Variants in UGGT2 observed in about 807,000 individuals in gnomAD.
The protein encoded by UGGT2 is UDP-glucose:glycoprotein glucosyltransferase 2.
A neutral mutation model predicts 192.1 loss-of-function variants in UGGT2; 180 were observed. The observed-to-expected ratio is 0.94, with a 90% CI of 0.83 to 1.06. UGGT2 has a LOEUF of 1.06. UGGT2 is among the 50% of genes least tolerant of loss of function. UGGT2 has a pLI of 0.00. For synonymous variants in UGGT2, 580 were observed against 591.0 expected, an observed-to-expected ratio of 0.98 and a Z score of 0.27; for missense variants, 1,849 against 1,795.7, an observed-to-expected ratio of 1.03 and a Z score of -0.54.
chr13:95,940,995 T>C (rs1002864308), intron 15 of UGGT2, among the ~76,000 whole-genome samples: 3 of 152,226 alleles, frequency 2.0e-5, no homozygotes, highest in African/African-American at 7.2e-5. Context: ...ATTCTTTTTA[T>C]CTTTTCTCAT....
At position 96,011,749 on chromosome 13, in the gene UGGT2, A is replaced by AGAT. The variant is rs150091566; in HGVS notation, c.660+1555_660+1557dup. Among the ~76,000 whole-genome samples the AGAT allele has an allele frequency of 3.2e-3, 490 of 152,268 alleles. 4 individuals carry two copies. The highest frequency in any genetic ancestry group is 0.011 in the African/African-American group (475 of 41,576). ...ATATGATGGTACTAAGGTGACTGACAGATGACTCTGTGTGATTGTTGAAAC... is the reference window on the plus strand; with the variant it reads ...ATATGATGGTACTAAGGTGACTGACAGATGATGACTCTGTGTGATTGTTGAAAC... On this transcript the variant is annotated intron_variant, in intron 5 of 38. Coordinates refer to ENST00000376747, the MANE Select transcript of UGGT2 (RefSeq NM_020121.4).
At chr13:95,827,988 C>T (rs949332010) in intron 38 of UGGT2, among the ~76,000 whole-genome samples, 4 of 152,118 alleles carry the variant, frequency 2.6e-5, no homozygotes, top group African/African-American at 9.7e-5. Flanking sequence ...TTGCACTCTT[C>T]GACCAATCAA....
chr13:96,043,794 G>A (rs2139210536), intron 1 of UGGT2, among the ~76,000 whole-genome samples: 1 of 152,154 alleles, frequency 6.6e-6, no homozygotes, highest in South Asian at 2.1e-4. Context: ...AATGATAAAA[G>A]GCCTTGTCCA....
rs747264301 is a variant in UGGT2 at position 95,927,089 on chromosome 13, G to A, written c.2139C>T (p.Phe713=). The part of the protein sequence containing the change: ...ADVEDFSTFF[F]LDSQDKSAVI... ...CAGCACTCTTATCTTGTGAATCCAA[G>A]AAAAAGAAAGTAGAGAAATCTTCAA... The change falls in exon 19 of 39, where the codon TTC becomes TTT. Residue 713 remains phenylalanine (F), a synonymous_variant. Transcript: ENST00000376747. 2 of 1,611,422 alleles carry A rather than the reference G, an allele frequency of 1.2e-6. No homozygotes were observed. The highest frequency in any genetic ancestry group is 1.7e-5 in the Admixed American group (1 of 59,468).
chr13:95,995,380 A>G (rs2051586400), intron 7 of UGGT2: 1 of 152,052 alleles, frequency 6.6e-6, no homozygotes, highest in Non-Finnish European at 1.5e-5. Flanking sequence ...AAGAAACAAC[A>G]TTTCATTTAT....
At chr13:95,927,431 T>C in intron 17 of UGGT2, 95 bp from the exon 18 acceptor site, 1 of 1,008,560 alleles carries the variant, frequency 9.9e-7, no homozygotes, top group South Asian at 2.2e-5. Flanking sequence ...TAATCAAAAA[T>C]AAATAAGCAA....
chr13:95,820,352 G>T (rs962565173), intron 38 of UGGT2, among the ~76,000 whole-genome samples: 2 of 152,032 alleles, frequency 1.3e-5, no homozygotes, highest in African/African-American at 4.8e-5. Context: ...CCCCTAAAAA[G>T]CCCCATGTCC....
chr13:96,043,949 A>G (rs2053235676), intron 1 of UGGT2, among the ~76,000 whole-genome samples: 2 of 152,322 alleles, frequency 1.3e-5, no homozygotes, highest in East Asian at 3.9e-4. Flanking sequence ...AGCACTAGAC[A>G]GGTCATCAAG....
chr13:96,033,535 C>T (rs1183770795), intron 1 of UGGT2, among the ~76,000 whole-genome samples: 1 of 152,138 alleles, frequency 6.6e-6, no homozygotes, highest in African/African-American at 2.4e-5. Flanking sequence ...CAGCTGCAAC[C>T]ACCCAGCTGC....
chr13:95,833,032 C>G lies in UGGT2; in HGVS notation c.4423G>C (p.Glu1475Gln), dbSNP rs1886894422. 3 of 1,612,110 alleles carry G rather than the reference C, an allele frequency of 1.9e-6. No homozygotes were observed. Among genetic ancestry groups the G allele is most frequent in the Non-Finnish European group, 2.5e-6 (3 of 1,178,814 alleles). ...CTGGCAGCAGCTTTTAGTTTGGATT[C>G]TTTTGTTTTGGGATTATTGCACTAA... is the stretch of plus-strand genomic sequence containing the variant. ...IDLCNNPKTK[E>Q]SKLKAAARIV... The change falls in exon 38 of 39, where the codon GAA (glutamate) becomes CAA (glutamine). Residue 1475 changes from glutamate to glutamine, a missense_variant. Physicochemically the swap from Glu to Gln is conservative, Grantham distance 29 (BLOSUM62 2). Coordinates refer to ENST00000376747, the MANE Select transcript of UGGT2 (RefSeq NM_020121.4).
chr13:95,960,894 G>A (rs939402851), intron 12 of UGGT2, among the ~76,000 whole-genome samples: 1 of 152,146 alleles, frequency 6.6e-6, no homozygotes, highest in African/African-American at 2.4e-5. Context: ...TTAAAGTCCT[G>A]TAAGAAAATG....
intron 12 of UGGT2, among the ~76,000 whole-genome samples, chr13:95,960,897 A>C (rs2050369919): frequency 6.6e-6 from 1 of 152,214 alleles, no homozygotes; most frequent in Non-Finnish European, 1.5e-5. Flanking sequence ...AAGTCCTGTA[A>C]GAAAATGCCT....
intron 19 of UGGT2, 55 bp downstream of exon 19, chr13:95,926,973 A>G: frequency 6.8e-7 from 1 of 1,462,650 alleles, no homozygotes; most frequent in Non-Finnish European, 9.3e-7. Flanking sequence ...TGCCTTATGA[A>G]CATTACAAGT....
At chr13:95,858,365 A>G (rs1889821939) in intron 33 of UGGT2, among the ~76,000 whole-genome samples, 5 of 151,844 alleles carry the variant, frequency 3.3e-5, no homozygotes. Context: ...TGTAGTGAGG[A>G]CCTTGGGCCA....
At position 95,836,942 on chromosome 13, in the gene UGGT2, C is replaced by T. The variant is rs1887350470; in HGVS notation, c.4401+144G>A. The T allele has an allele frequency of 5.6e-6, 4 of 708,750 alleles. No homozygotes were observed. In the South Asian group the frequency reaches 7.8e-5, roughly 14 times the overall value. 43.9% of individuals were successfully genotyped at this position (708,750 alleles called of 1,614,324 possible). On this transcript the variant is annotated intron_variant, in intron 37 of 38. Transcript: ENST00000376747. ...GCCCCCAAAATAACCCTATACTTGC[C>T]AACCTAAGTAAATGTGTAATAGACT...
At chr13:96,053,005 A>C in intron 1 of UGGT2, 150 bp downstream of exon 1, 3 of 1,110,224 alleles carry the variant, frequency 2.7e-6, no homozygotes, top group Non-Finnish European at 3.6e-6. Context: ...CCGGGTCGGG[A>C]AGGAAGGAGG....
At chr13:95,850,282 A>T (rs1027185291) in intron 36 of UGGT2, among the ~76,000 whole-genome samples, 1 of 152,236 alleles carries the variant, frequency 6.6e-6, no homozygotes, top group African/African-American at 2.4e-5. Context: ...GAGTATATTC[A>T]TAAGAAGTGG....
intron 12 of UGGT2, among the ~76,000 whole-genome samples, chr13:95,952,838 A>G (rs968433839): frequency 1.3e-5 from 2 of 152,158 alleles, no homozygotes; most frequent in African/African-American, 4.8e-5. Flanking sequence ...AATTCTCCAT[A>G]CTCATGTGGA....
chr13:95,935,373 T>A (rs1198741057), intron 17 of UGGT2, among the ~76,000 whole-genome samples: 2 of 152,226 alleles, frequency 1.3e-5, no homozygotes, highest in Non-Finnish European at 2.9e-5. Flanking sequence ...TGCTAATGAA[T>A]TCCTTTAGTG....
Sources: gnomAD v4.1 joint callset for allele counts (sites outside exome capture counted in the v4.1 genomes callset) on GRCh38, gnomAD v4.1.1 for gene constraint, MANE v1.5 for transcripts, NCBI Gene and HGNC (gene_info 2026-07-23, HGNC 2026-07-21) for gene names.